PSME4: variants seen among roughly 807,000 people sequenced by gnomAD.
PSME4 encodes proteasome activator complex subunit 4.
PSME4 carries 89 observed loss-of-function variants against 253.9 expected under a neutral mutation model. The observed-to-expected ratio is 0.35, with a 90% CI of 0.30 to 0.42. PSME4 has a LOEUF of 0.42. Ranked by LOEUF, PSME4 falls within the 10% of genes least tolerant of loss-of-function variation. The probability of loss-of-function intolerance (pLI) is 1.00; values close to 1 mark genes in which losing one functional copy is unlikely to be tolerated. For missense variants in PSME4, 2,014 were observed against 2,195.2 expected (o/e 0.92, Z 1.65); for synonymous variants, 851 against 759.2 (o/e 1.12, Z -1.99).
At chr2:53,872,894 AT>A (rs1294184523) in intron 43 of PSME4, among the ~76,000 whole-genome samples, 2 of 131,274 alleles carry the variant, frequency 1.5e-5, no homozygotes, top group East Asian at 2.5e-4. Context: ...ATAATAAGAA[AT>A]TAAAAAAAAA....
intron 9 of PSME4, 72 bp downstream of exon 9, chr2:53,932,595 CA>C: frequency 8.1e-7 from 1 of 1,240,910 alleles, no homozygotes; most frequent in Non-Finnish European, 1.2e-6. Context: ...ACAGGTCACA[CA>C]ATAGGCAATA....
At chr2:53,896,670 T>C (rs1680151176) in intron 32 of PSME4, 134 bp downstream of exon 32, 8 of 663,902 alleles carry the variant, frequency 1.2e-5, no homozygotes, top group African/African-American at 1.8e-5. Flanking sequence ...ACTGTTTCCT[T>C]CATAATATTA....
intron 40 of PSME4, 87 bp from the exon 41 acceptor site, chr2:53,885,862 A>G: frequency 1.2e-6 from 1 of 867,624 alleles, no homozygotes; most frequent in Non-Finnish European, 1.8e-6. Context: ...TTATTGTCAT[A>G]CAGCCACTCT....
Position 53,886,935 on chromosome 2 carries a change from GACCT to G in PSME4, c.4729+320_4729+323del, listed in dbSNP as rs562695035. 2.7e-4 allele frequency among the ~76,000 whole-genome samples: 41 copies of G among 152,232 alleles called. 1 individual carries two copies. Among genetic ancestry groups the G allele is most frequent in the African/African-American group, 8.2e-4 (34 of 41,546 alleles). ...AAAAGACTTATGATTCAACTTATGT[GACCT>G]ACCTAGAATGGGCAAATTCAGAGAT... On this transcript the variant is annotated intron_variant, in intron 40 of 46. Coordinates refer to ENST00000404125, the MANE Select transcript of PSME4 (RefSeq NM_014614.3).
chr2:53,892,924 C>G lies in PSME4; in HGVS notation c.4075G>C (p.Val1359Leu). ...FRNFDDAFLP[V>L]LKPHLEHLVA... ...AAATGTTCTAAATGGGGCTTCAGAA[C>G]TGGCAGGAAGGCATCATCAAAATTC... The change falls in exon 36 of 47, where the codon GTT (valine) becomes CTT (leucine). Residue 1359 changes from valine to leucine, a missense_variant. Around this residue, in one of 4 missense-constraint regions of PSME4, gnomAD observed 989 missense variants for 1,021.1 expected, o/e 0.97. Coordinates refer to ENST00000404125, the MANE Select transcript of PSME4 (RefSeq NM_014614.3). The G allele has an allele frequency of 6.2e-7, 1 of 1,613,706 alleles. No individual in the cohort carries two copies. Among genetic ancestry groups the G allele is most frequent in the South Asian group, 1.1e-5 (1 of 91,026 alleles).
intron 44 of PSME4, among the ~76,000 whole-genome samples, chr2:53,867,229 G>T (rs1490600640): frequency 6.6e-6 from 1 of 152,152 alleles, no homozygotes; most frequent in Non-Finnish European, 1.5e-5. Flanking sequence ...TGGTGGCCAG[G>T]CATGGTGGTT....
intron 41 of PSME4, 29 bp from the exon 42 acceptor site, chr2:53,875,784 T>A: frequency 6.3e-7 from 1 of 1,599,456 alleles, no homozygotes; most frequent in Non-Finnish European, 8.5e-7. Flanking sequence ...AGGACAAAAA[T>A]GGAAAAATAA....
At chr2:53,904,245 T>G in intron 26 of PSME4, 89 bp from the exon 27 acceptor site, 1 of 1,286,278 alleles carries the variant, frequency 7.8e-7, no homozygotes, top group South Asian at 1.6e-5. Context: ...GTAATGATAA[T>G]TTACATGTTT....
Position 53,888,736 on chromosome 2 carries a change from G to A in PSME4, c.4373C>T (p.Ser1458Phe). ...LESPLSGEGG[S>F]FVDACRLYVL... is the part of the protein sequence containing the mutation. ...AAAAATTTACCATGCATCTACAAAG[G>A]ATCCTCCTTCACCACTCAATGGTGA... Residue 1458 changes from serine (S) to phenylalanine (F), a missense_variant, in exon 38 of 47, where the codon TCC (serine) becomes TTC (phenylalanine). Physicochemically the swap from Ser to Phe is radical, Grantham distance 155. Coordinates refer to ENST00000404125, the MANE Select transcript of PSME4 (RefSeq NM_014614.3). 1 of 1,610,616 alleles carries A rather than the reference G, an allele frequency of 6.2e-7. No individual in the cohort carries two copies. Among genetic ancestry groups the A allele is most frequent in the Non-Finnish European group, 8.5e-7 (1 of 1,177,432 alleles).
Position 53,922,525 on chromosome 2 carries a change from A to G in PSME4, c.2038T>C (p.Leu680=). Residue 680 remains leucine, a synonymous_variant, in exon 17 of 47, where the codon TTG becomes CTG. Transcript: ENST00000404125. ...CCAAAGATTTACAATACCTCAGACA[A>G]AAGTTGAAGATTCCATAGTAATTCC... is the stretch of plus-strand genomic sequence containing the variant. ...DKELLWNLQL[L]SEITRVDGRK... is the part of the protein sequence containing the mutation. 1 of 1,612,694 alleles carries G rather than the reference A, an allele frequency of 6.2e-7. No homozygotes were observed. Among genetic ancestry groups the G allele is most frequent in the South Asian group, 1.1e-5 (1 of 90,648 alleles).
intron 14 of PSME4, among the ~76,000 whole-genome samples, chr2:53,924,098 A>G (rs1668454284): frequency 6.6e-6 from 1 of 152,148 alleles, no homozygotes; most frequent in African/African-American, 2.4e-5. Flanking sequence ...TGACAACTAC[A>G]AACTAGACAT....
chr2:53,901,503 A>G lies in PSME4; in HGVS notation c.3132T>C (p.His1044=), dbSNP rs764794397. Residue 1044 remains histidine (H), a synonymous_variant, in exon 28 of 47, where the codon CAT becomes CAC. Coordinates refer to ENST00000404125, the MANE Select transcript of PSME4 (RefSeq NM_014614.3). The stretch of plus-strand genomic sequence containing the variant: ...ACGTCTGTACAATACAGTCCCAATC[A>G]TGAAGGTTTGCCAAGCACACACCAC... ...NHSGVCLANL[H]DWDCIVQTWP... 13 of 1,614,094 alleles carry G rather than the reference A, an allele frequency of 8.1e-6. No homozygotes were observed. Among genetic ancestry groups the G allele is most frequent in the Non-Finnish European group, 1.1e-5 (13 of 1,179,970 alleles).
intron 9 of PSME4, among the ~76,000 whole-genome samples, 178 bp from the exon 10 acceptor site, chr2:53,932,278 T>C (rs1000364207): frequency 2.0e-5 from 3 of 152,166 alleles, no homozygotes; most frequent in African/African-American, 7.2e-5. Flanking sequence ...TTATTCCTAA[T>C]AATTAATGAA....
chr2:53,943,623 G>A (rs181329744), intron 3 of PSME4, among the ~76,000 whole-genome samples: 101 of 152,016 alleles, frequency 6.6e-4, no homozygotes, highest in African/African-American at 2.0e-3. Flanking sequence ...GGTGGATCAC[G>A]TGAGGTCCAG....
intron 41 of PSME4, among the ~76,000 whole-genome samples, chr2:53,877,165 G>A (rs1679172293): frequency 6.8e-6 from 1 of 147,032 alleles, no homozygotes; most frequent in African/African-American, 2.5e-5. Flanking sequence ...CTTTAATAAA[G>A]TTTGCTAAGG....
At chr2:53,922,777 C>A (rs575242181) in intron 16 of PSME4, among the ~76,000 whole-genome samples, 193 bp from the exon 17 acceptor site, 1 of 151,782 alleles carries the variant, frequency 6.6e-6, no homozygotes, top group African/African-American at 2.4e-5. Flanking sequence ...AATAAACACA[C>A]CAACCAAGAC....
chr2:53,887,813 AAACAAAG>A (rs1265401878), intron 39 of PSME4, 38 bp downstream of exon 39: 2 of 1,511,696 alleles, frequency 1.3e-6, no homozygotes, highest in Non-Finnish European at 1.8e-6. Flanking sequence ...AAAAAAAAAC[AAACAAAG>A]AACTCGAGAG....
chr2:53,970,702 G>C lies in PSME4; in HGVS notation c.83C>G (p.Pro28Arg), dbSNP rs927074864. The change falls in exon 1 of 47, where the codon CCG (proline) becomes CGG (arginine). Residue 28 changes from proline (P) to arginine (R), a missense_variant. This residue lies in a region of PSME4 where 615 missense variants were observed against 594.4 expected (regional missense o/e 1.03). Coordinates refer to ENST00000404125, the MANE Select transcript of PSME4 (RefSeq NM_014614.3). ...RPEPGPRGFV[P>R]QKEIVYNKLL... ...CTTGTTGTAGACGATCTCCTTCTGC[G>C]GGACGAAGCCCCGCGGGCCCGGCTC... The C allele has an allele frequency of 5.8e-6, 9 of 1,549,116 alleles. No individual in the cohort carries two copies. The East Asian group carries it at 9.8e-5, about 17-fold the overall frequency.
chr2:53,871,983 C>G (rs1400912653), intron 43 of PSME4, among the ~76,000 whole-genome samples: 1 of 152,102 alleles, frequency 6.6e-6, no homozygotes. Flanking sequence ...CACTGCACTC[C>G]CGCCTGGGCA....
Sources: gnomAD v4.1 joint callset for allele counts (sites outside exome capture counted in the v4.1 genomes callset) on GRCh38, gnomAD v4.1.1 for gene constraint, gnomAD v4.1.1 regional missense constraint, MANE v1.5 for transcripts, NCBI Gene and HGNC (gene_info 2026-07-23, HGNC 2026-07-21) for gene names.